PARP6: variants seen among roughly 807,000 people sequenced by gnomAD.
PARP6 encodes protein mono-ADP-ribosyltransferase PARP6.
PARP6 carries 27 observed loss-of-function variants against 92.0 expected under a neutral mutation model. The ratio of observed to expected loss-of-function variants is 0.29; its 90% CI spans 0.22 to 0.40. The LOEUF is 0.40. Among genes scored for constraint, PARP6 ranks in the 10% least tolerant of loss-of-function variants. The pLI, the probability that PARP6 is intolerant of heterozygous loss-of-function variation, is 1.00. For synonymous variants in PARP6, 272 were observed against 281.2 expected (o/e 0.97, Z 0.33); for missense variants, 501 against 784.5 (o/e 0.64, Z 4.32).
In PARP6 at chr15:72,242,143, G is replaced by A; in HGVS notation, c.1705+14C>T. The A allele has an allele frequency of 6.2e-7, 1 of 1,610,876 alleles. No individual in the cohort carries two copies. Among genetic ancestry groups the A allele is most frequent in the Middle Eastern group, 1.7e-4 (1 of 6,054 alleles). ...TAGAGACCCAGAAAAACAGGACATG[G>A]GCAAGCTACCTACCTTCACAAAGTG... On this transcript the variant is annotated intron_variant, in intron 22 of 23. Transcript: ENST00000569795. The surrounding 1 kb of genome is among the most constrained non-coding windows in gnomAD (Gnocchi z 4.3).
At chr15:72,253,790 T>C in intron 15 of PARP6, 1 of 569,628 alleles carries the variant, frequency 1.8e-6, no homozygotes, top group Non-Finnish European at 3.3e-6. Context: ...AATCAAAAAA[T>C]AAATAAAATC....
chr15:72,267,301 C>T (rs531462642), intron 3 of PARP6, 174 bp downstream of exon 3: 3 of 680,548 alleles, frequency 4.4e-6, no homozygotes, highest in Non-Finnish European at 7.8e-6. Context: ...AAACCCACTA[C>T]ACAAACACAC....
chr15:72,267,252 A>G (rs2086721595), intron 3 of PARP6: 1 of 594,058 alleles, frequency 1.7e-6, no homozygotes, highest in Non-Finnish European at 3.0e-6. Flanking sequence ...TTTTCTTTCT[A>G]TCCTTTAAAG....
In PARP6 at chr15:72,242,532, C is replaced by T. The variant is rs2140874773; in HGVS notation, c.1641+88G>A. 1 of 905,250 alleles carries T rather than the reference C, an allele frequency of 1.1e-6. No individual in the cohort carries two copies. 56.1% of individuals were successfully genotyped at this position (905,250 alleles called of 1,614,324 possible). A position where few individuals can be genotyped will look rare whatever the true frequency, so the allele number is the denominator to read the frequency against. ...AATGATCTCAAATCACTCCCCAACC[C>T]ATTCTCACCCCACTGTTTCCCTGTC... On this transcript the variant is annotated intron_variant, in intron 21 of 23. Coordinates refer to ENST00000569795, the MANE Select transcript of PARP6 (RefSeq NM_001323532.2). The surrounding 1 kb of genome is among the most constrained non-coding windows in gnomAD (Gnocchi z 4.3).
chr15:72,259,712 C>T lies in PARP6; in HGVS notation c.757-51G>A, dbSNP rs572717923. The T allele has an allele frequency of 6.0e-6, 9 of 1,504,612 alleles. No homozygotes were observed. In the South Asian group the frequency reaches 1.0e-4, roughly 17 times the overall value. 93.2% of individuals were successfully genotyped at this position (1,504,612 alleles called of 1,614,324 possible). On this transcript the variant is annotated intron_variant, in intron 10 of 23. Transcript: ENST00000569795. ...CGTGAACCTCCTATGAAGCTGGGGC[C>T]TAGACAGACCTGACTCTTGCCTATC...
chr15:72,246,931 T>G (rs1035684604), intron 20 of PARP6, among the ~76,000 whole-genome samples: 1 of 152,122 alleles, frequency 6.6e-6, no homozygotes, highest in African/African-American at 2.4e-5. Context: ...ATTTTCTTTG[T>G]ATTTTTAGTA....
intron 20 of PARP6, among the ~76,000 whole-genome samples, chr15:72,247,735 T>A (rs2083795884): frequency 2.0e-5 from 3 of 152,194 alleles, no homozygotes; most frequent in African/African-American, 7.2e-5. Flanking sequence ...ATTTATCCAT[T>A]TTATCAAAGT....
intron 4 of PARP6, 139 bp downstream of exon 4, chr15:72,266,606 A>G: frequency 1.5e-6 from 1 of 672,314 alleles, no homozygotes; most frequent in Non-Finnish European, 2.7e-6. Flanking sequence ...ATCAGCTCTG[A>G]CAAGACCATG....
chr15:72,269,669 G>C (rs937587886), intron 2 of PARP6, among the ~76,000 whole-genome samples: 3 of 151,846 alleles, frequency 2.0e-5, no homozygotes, highest in African/African-American at 7.3e-5. Flanking sequence ...TGAGGCCCAG[G>C]TGGGCAGGAC....
rs566195572 is a variant in PARP6 at position 72,261,093 on chromosome 15, C to T, written c.546-405G>A. On this transcript the variant is annotated intron_variant, in intron 9 of 23. Transcript: ENST00000569795. ...AAAGGGCGTAATATTGACTATCTGACTGTCAACAATGATTCCTGGGAAGCT... is the reference window on the plus strand; with the variant it reads ...AAAGGGCGTAATATTGACTATCTGATTGTCAACAATGATTCCTGGGAAGCT... 2.6e-5 allele frequency among the ~76,000 whole-genome samples: 4 copies of T among 152,340 alleles called. No homozygotes were observed. In the East Asian group the frequency reaches 7.7e-4, roughly 29 times the overall value.
At chr15:72,249,362 T>G (rs775677178) in intron 19 of PARP6, 48 bp from the exon 20 acceptor site, 15 of 1,087,330 alleles carry the variant, frequency 1.4e-5, no homozygotes, top group Non-Finnish European at 1.9e-5. Context: ...GGCCCTCCCA[T>G]GGCTATTTAT....
chr15:72,258,172 G>A (rs1314418806), intron 11 of PARP6, 40 bp from the exon 12 acceptor site: 2 of 1,398,976 alleles, frequency 1.4e-6, no homozygotes, highest in Non-Finnish European at 2.0e-6. Flanking sequence ...GGAAGTACTG[G>A]CACACACAGA....
intron 15 of PARP6, chr15:72,253,865 C>A: frequency 2.2e-6 from 1 of 460,424 alleles, no homozygotes; most frequent in South Asian, 1.6e-5. Context: ...AAAGCGTCCT[C>A]CTGACAAGTA....
chr15:72,252,196 A>G (rs1202322696), intron 16 of PARP6, among the ~76,000 whole-genome samples: 1 of 152,214 alleles, frequency 6.6e-6, no homozygotes, highest in Non-Finnish European at 1.5e-5. Context: ...ATCATCAAGG[A>G]GGCCCAGAGA....
At chr15:72,261,505 G>C in intron 9 of PARP6, 53 bp downstream of exon 9, 1 of 1,492,912 alleles carries the variant, frequency 6.7e-7, no homozygotes, top group Non-Finnish European at 9.3e-7. Context: ...AGAAGGTGGG[G>C]GTGGGGGCTA....
chr15:72,242,720 C>T lies in PARP6; in HGVS notation c.1562-21G>A, dbSNP rs2083195764. On this transcript the variant is annotated intron_variant, in intron 20 of 23. Transcript: ENST00000569795. The surrounding 1 kb of genome is among the most constrained non-coding windows in gnomAD (Gnocchi z 4.3). ...CATTCCTGTCACAGAACAATACACC[C>T]ACTTCATTTATCAAAAATTTACGAA... 1 of 1,549,348 alleles carries T rather than the reference C, an allele frequency of 6.5e-7. No individual in the cohort carries two copies. Among genetic ancestry groups the T allele is most frequent in the Non-Finnish European group, 8.8e-7 (1 of 1,134,134 alleles).
At position 72,242,937 on chromosome 15, in the gene PARP6, C is replaced by T; in HGVS notation, c.1562-238G>A. 2 of 480,136 alleles carry T rather than the reference C, an allele frequency of 4.2e-6. No individual in the cohort carries two copies. The allele number at this position is 480,136 out of a possible 1,614,324, so 29.7% of individuals were successfully genotyped here. A position where few individuals can be genotyped will look rare whatever the true frequency, so the allele number is the denominator to read the frequency against. On this transcript the variant is annotated intron_variant, in intron 20 of 23. Coordinates refer to ENST00000569795, the MANE Select transcript of PARP6 (RefSeq NM_001323532.2). The surrounding 1 kb of genome is among the most constrained non-coding windows in gnomAD (Gnocchi z 4.3). ...ATGGTGTGAGCCTAGAGGAGGGCAA[C>T]TAGCCTAGCCTAAGAGTTTAAAGAA...
At position 72,265,113 on chromosome 15, in the gene PARP6, C is replaced by T. The variant is rs2086408395; in HGVS notation, c.296G>A (p.Arg99Gln). The T allele has an allele frequency of 1.9e-6, 3 of 1,613,722 alleles. No homozygotes were observed. Among genetic ancestry groups the T allele is most frequent in the Non-Finnish European group, 2.5e-6 (3 of 1,179,688 alleles). ...LRTEPIVLRL[R>Q]FSLSQYLDGP... ...ATCTAGGTACTGGGAGAGAGAAAATCGCAGCCTCAACACAATAGGTTCTGT... is the reference window on the plus strand; with the variant it reads ...ATCTAGGTACTGGGAGAGAGAAAATTGCAGCCTCAACACAATAGGTTCTGT... The change falls in exon 7 of 24, where the codon CGA becomes CAA. Residue 99 changes from arginine to glutamine, a missense_variant. Physicochemically the swap from Arg to Gln is conservative, Grantham distance 43. Coordinates refer to ENST00000569795, the MANE Select transcript of PARP6 (RefSeq NM_001323532.2).
chr15:72,250,055 T>G lies in PARP6; in HGVS notation c.1456A>C (p.Asn486His). ...HIENWHSILR[N>H]GLVNASYTKL... ...GTGTAGGATGCATTGACCAGCCCAT[T>G]GCGCAGGATCGAATGCCAGTTCTCA... The change falls in exon 19 of 24, where the codon AAT (asparagine) becomes CAT (histidine). Residue 486 changes from asparagine to histidine, a missense_variant. Asn to His is a moderately conservative substitution (Grantham distance 68). Coordinates refer to ENST00000569795, the MANE Select transcript of PARP6 (RefSeq NM_001323532.2). 4.3e-6 allele frequency: 7 copies of G among 1,612,326 alleles called. No individual in the cohort carries two copies. The highest frequency in any genetic ancestry group is 5.1e-6 in the Non-Finnish European group (6 of 1,178,374).
Sources: gnomAD v4.1 joint callset for allele counts (sites outside exome capture counted in the v4.1 genomes callset) on GRCh38, gnomAD v4.1.1 for gene constraint, Gnocchi (gnomAD v3.1) non-coding constraint, MANE v1.5 for transcripts, NCBI Gene and HGNC (gene_info 2026-07-23, HGNC 2026-07-21) for gene names.